The following ENO4 variants were observed in gnomAD, a reference collection of about 807,000 sequenced individuals.
ENO4 encodes enolase 4.
In ENO4, 53 loss-of-function variants were observed where a neutral mutation model predicts 63.2. The ratio of observed to expected loss-of-function variants is 0.84; its 90% CI spans 0.67 to 1.05. ENO4 has a LOEUF of 1.05. Among genes scored for constraint, ENO4 ranks in the 50% least tolerant of loss-of-function variants. ENO4 has a pLI of 0.00. For synonymous variants in ENO4, 266 were observed against 283.8 expected (o/e 0.94, Z 0.63); for missense variants, 719 against 772.0 (o/e 0.93, Z 0.81).
intron 8 of ENO4, among the ~76,000 whole-genome samples, chr10:116,869,284 G>T (rs1681726): frequency 0.98 from 149,650 of 152,284 alleles, 73,595 homozygotes; most frequent in East Asian, 1. Flanking sequence ...TTGTGAGTGC[G>T]CTGATAGATG....
chr10:116,911,323 A>T (rs976848325), intron 10 of ENO4, among the ~76,000 whole-genome samples: 2 of 152,218 alleles, frequency 1.3e-5, no homozygotes, highest in Non-Finnish European at 2.9e-5. Context: ...TCAATTTATC[A>T]TCAAATAATT....
intron 7 of ENO4, among the ~76,000 whole-genome samples, chr10:116,865,378 G>A (rs531593498): frequency 6.6e-6 from 1 of 151,968 alleles, no homozygotes; most frequent in Non-Finnish European, 1.5e-5. Flanking sequence ...GTAGAGACGG[G>A]GTTTCACTGT....
intron 1 of ENO4, among the ~76,000 whole-genome samples, chr10:116,852,556 G>A (rs1429881440): frequency 6.6e-6 from 1 of 152,138 alleles, no homozygotes; most frequent in Non-Finnish European, 1.5e-5. Flanking sequence ...ACTGACTCTG[G>A]AATTGGCTAT....
At chr10:116,894,201 A>G (rs1164218289) in intron 10 of ENO4, among the ~76,000 whole-genome samples, 1 of 152,270 alleles carries the variant, frequency 6.6e-6, no homozygotes, top group Non-Finnish European at 1.5e-5. Flanking sequence ...ATGAACTCTT[A>G]CAAAAATAAA....
intron 1 of ENO4, among the ~76,000 whole-genome samples, chr10:116,851,685 T>C (rs958169871): frequency 2.6e-5 from 4 of 152,162 alleles, no homozygotes; most frequent in African/African-American, 9.7e-5. Context: ...TTCCCGTGCT[T>C]GCTGGCCTTC....
exon 11 of ENO4, chr10:116,911,531 G>C (rs1400631148): frequency 6.4e-7 from 1 of 1,550,542 alleles, no homozygotes. Context: ...TGCCAGGATT[G>C]GAGGGCAAGA....
At chr10:116,868,172 C>T (rs1021948273) in intron 7 of ENO4, among the ~76,000 whole-genome samples, 6 of 152,162 alleles carry the variant, frequency 3.9e-5, no homozygotes. Context: ...AAGTCAAAAC[C>T]ACCCTGCAGG....
downstream of ENO4, chr10:116,886,384 C>T (rs199958951): frequency 2.6e-6 from 4 of 1,564,850 alleles, no homozygotes; most frequent in Admixed American, 1.9e-5. Flanking sequence ...GTTTTCAATG[C>T]TGTCTTCTTT....
At chr10:116,908,418 G>A (rs958731313) in intron 10 of ENO4, among the ~76,000 whole-genome samples, 2 of 151,988 alleles carry the variant, frequency 1.3e-5, no homozygotes, top group Non-Finnish European at 2.9e-5. Context: ...ACACCATAAG[G>A]TATGACCAAT....
Position 116,904,137 on chromosome 10 carries a change from T to C in ENO4, c.1195-7362T>C, listed in dbSNP as rs575220841. On this transcript the variant is annotated intron_variant, in intron 10 of 10. Transcript: ENST00000369207. The stretch of plus-strand genomic sequence containing the variant: ...TCCTTTCTCTACTTGTGACTTCACA[T>C]TTACTTTCCCAAAAGCCTTTCTAGG... Among the ~76,000 whole-genome samples the C allele has an allele frequency of 1.4e-4, 21 of 152,298 alleles. 2 individuals are homozygous for C. Among genetic ancestry groups the C allele is most frequent in the African/African-American group, 5.1e-4 (21 of 41,558 alleles).
intron 4 of ENO4, 92 bp from the exon 5 acceptor site, chr10:116,860,702 C>A: frequency 1.0e-6 from 1 of 996,960 alleles, no homozygotes. Context: ...TGTTCCCAGC[C>A]TCGGCTTTCA....
intron 10 of ENO4, among the ~76,000 whole-genome samples, chr10:116,907,029 G>A (rs1420478672): frequency 6.6e-6 from 1 of 152,156 alleles, no homozygotes; most frequent in Admixed American, 6.5e-5. Context: ...ATTCATCAGT[G>A]GGAAGGTACC....
In ENO4 at chr10:116,861,143, A is replaced by G. The variant is rs1846398200; in HGVS notation, c.889A>G (p.Met297Val). The G allele has an allele frequency of 9.1e-6, 14 of 1,546,476 alleles. No individual in the cohort carries two copies. Among genetic ancestry groups the G allele is most frequent in the Non-Finnish European group, 1.0e-5 (12 of 1,144,072 alleles). The change falls in exon 6 of 14, where the codon ATG (methionine) becomes GTG (valine). Residue 297 changes from methionine to valine, a missense_variant. Physicochemically the swap from Met to Val is conservative, Grantham distance 21. Around this residue, in one of 3 missense-constraint regions of ENO4, gnomAD observed 544 missense variants for 583.6 expected, o/e 0.93. Transcript: ENST00000341276. ...GTCATCATCTGGGAAGCTAAATTTAATGAAAGAAGTGATTTGTATACCCCA... is the reference window on the plus strand; with the variant it reads ...GTCATCATCTGGGAAGCTAAATTTAGTGAAAGAAGTGATTTGTATACCCCA... Reference protein sequence around the residue: ...GKSSSGKLNLMKEVICIPHPE... With the variant: ...GKSSSGKLNLVKEVICIPHPE...
rs772393020 is a variant in ENO4, at chr10:116,874,080, A to G, written c.1220A>G (p.Lys407Arg). Reference protein sequence around the residue: ...CAGHELMDYNKGKYEVIMGTY... With the variant: ...CAGHELMDYNRGKYEVIMGTY... ...TATTTTCCTGACACATATCAGAATA[A>G]AGGAAAGTATGAAGTGATCATGGGC... Residue 407 changes from lysine to arginine, a missense_variant, in exon 10 of 14, where the codon AAA becomes AGA. Around this residue, in one of 3 missense-constraint regions of ENO4, gnomAD observed 544 missense variants for 583.6 expected, o/e 0.93. Coordinates refer to ENST00000341276, the MANE Select transcript of ENO4 (RefSeq NM_001242699.2). 165 of 1,543,326 alleles carry G rather than the reference A, an allele frequency of 1.1e-4. No homozygotes were observed. The highest frequency in any genetic ancestry group is 1.3e-4 in the Non-Finnish European group (147 of 1,141,238).
chr10:116,901,568 G>A (rs1313275338), intron 10 of ENO4: 1 of 985,142 alleles, frequency 1.0e-6, no homozygotes, highest in African/African-American at 1.7e-5. Flanking sequence ...TTTGTACATG[G>A]TACTTGCTTT....
intron 1 of ENO4, among the ~76,000 whole-genome samples, chr10:116,850,924 G>A (rs1267459470): frequency 1.3e-5 from 2 of 152,168 alleles, no homozygotes; most frequent in East Asian, 3.9e-4. Context: ...AGAGTGCATG[G>A]CACACAGTGG....
intron 1 of ENO4, among the ~76,000 whole-genome samples, chr10:116,850,918 T>A (rs1176582681): frequency 6.6e-6 from 1 of 152,118 alleles, no homozygotes; most frequent in Non-Finnish European, 1.5e-5. Flanking sequence ...CCCAGCAGAG[T>A]GCATGGCACA....
chr10:116,874,245 C>A, intron 10 of ENO4, 44 bp downstream of exon 10: 1 of 1,444,494 alleles, frequency 6.9e-7, no homozygotes, highest in Non-Finnish European at 9.3e-7. Context: ...TTTTATATGC[C>A]ATAAGATAGG....
chr10:116,858,784 A>G (rs1011896416), intron 3 of ENO4, among the ~76,000 whole-genome samples: 2 of 152,234 alleles, frequency 1.3e-5, no homozygotes, highest in African/African-American at 4.8e-5. Context: ...ATTTATTTCC[A>G]TGCCAAAATG....
Sources: allele counts gnomAD v4.1 joint callset (sites outside exome capture counted in the v4.1 genomes callset), GRCh38; gene constraint gnomAD v4.1.1; regional missense constraint gnomAD v4.1.1; transcripts MANE v1.5; gene names NCBI Gene and HGNC (gene_info 2026-07-23, HGNC 2026-07-21).